APP: variants seen among roughly 807,000 people sequenced by gnomAD.
APP encodes the protein amyloid beta precursor protein.
APP carries 31 observed loss-of-function variants against 101.4 expected under a neutral mutation model. The ratio of observed to expected loss-of-function variants is 0.31; its 90% CI spans 0.23 to 0.41. The LOEUF is 0.41. Ranked by LOEUF, APP falls within the 10% of genes least tolerant of loss-of-function variation. The probability of loss-of-function intolerance (pLI) is 1.00; values close to 1 mark genes in which losing one functional copy is unlikely to be tolerated. For synonymous variants in APP, 366 were observed against 364.4 expected, an observed-to-expected ratio of 1.00 and a Z score of -0.05; for missense variants, 839 against 1,003.7, an observed-to-expected ratio of 0.84 and a Z score of 2.22.
At chr21:25,962,544 T>C (rs2146520592) in intron 11 of APP, among the ~76,000 whole-genome samples, 1 of 152,302 alleles carries the variant, frequency 6.6e-6, no homozygotes, top group African/African-American at 2.4e-5. Flanking sequence ...CTCAGAATAG[T>C]GGCCTTCCCA....
chr21:25,991,603 C>T (rs2042868839), intron 8 of APP, among the ~76,000 whole-genome samples: 1 of 152,212 alleles, frequency 6.6e-6, no homozygotes, highest in Non-Finnish European at 1.5e-5. Context: ...GTCTCGAATT[C>T]CTGACCTCAG....
At chr21:26,130,126 C>T (rs1379264949) in intron 1 of APP, among the ~76,000 whole-genome samples, 1 of 152,132 alleles carries the variant, frequency 6.6e-6, no homozygotes, top group East Asian at 1.9e-4. Context: ...ACAAACTAAC[C>T]TTCCAAAAAG....
At chr21:26,112,209 G>GA in intron 1 of APP, 63 bp from the exon 2 acceptor site, 2 of 1,539,662 alleles carry the variant, frequency 1.3e-6, no homozygotes, top group Non-Finnish European at 1.8e-6. Flanking sequence ...CTTGGAGGAA[G>GA]AACAGGGATA....
chr21:26,086,252 G>T (rs189361248), intron 3 of APP, among the ~76,000 whole-genome samples: 1 of 152,266 alleles, frequency 6.6e-6, no homozygotes, highest in Admixed American at 6.5e-5. Flanking sequence ...GGTTCCAGAG[G>T]TACTACCAAA....
At chr21:26,047,502 T>C (rs1437733283) in intron 5 of APP, among the ~76,000 whole-genome samples, 1 of 152,118 alleles carries the variant, frequency 6.6e-6, no homozygotes, top group African/African-American at 2.4e-5. Context: ...CTTTCTGGTT[T>C]TGTCCACATG....
Position 25,977,416 on chromosome 21 carries a change from T to C in APP, c.1225-1388A>G, listed in dbSNP as rs2042263320. Among the ~76,000 whole-genome samples the C allele has an allele frequency of 2.6e-5, 4 of 152,362 alleles. No individual in the cohort carries two copies. The South Asian group carries it at 8.3e-4, about 32-fold the overall frequency. Reference sequence around the variant, plus strand: ...CCAAAGCATGAGAAAACTTGATTACTGTATTATAAGAGCCTGTTTTTTGTA... The same window carrying C: ...CCAAAGCATGAGAAAACTTGATTACCGTATTATAAGAGCCTGTTTTTTGTA... On this transcript the variant is annotated intron_variant, in intron 9 of 17. Coordinates refer to ENST00000346798, the MANE Select transcript of APP (RefSeq NM_000484.4).
At chr21:26,154,849 A>T (rs1317294156) in intron 1 of APP, among the ~76,000 whole-genome samples, 1 of 152,238 alleles carries the variant, frequency 6.6e-6, no homozygotes, top group Non-Finnish European at 1.5e-5. Flanking sequence ...CTCTTCCTAG[A>T]CAGCTGCAGG....
intron 15 of APP, among the ~76,000 whole-genome samples, chr21:25,899,727 GA>G (rs2038315076): frequency 6.6e-6 from 1 of 152,140 alleles, no homozygotes; most frequent in South Asian, 2.1e-4. Flanking sequence ...CCCAAATCCT[GA>G]CCTATAAAAA....
At chr21:26,064,757 A>C (rs1219729859) in intron 3 of APP, among the ~76,000 whole-genome samples, 1 of 152,192 alleles carries the variant, frequency 6.6e-6, no homozygotes, top group East Asian at 1.9e-4. Context: ...TGTTCCACAG[A>C]AGGAGATGAG....
intron 3 of APP, among the ~76,000 whole-genome samples, chr21:26,054,748 CAAG>C (rs892340559): frequency 9.4e-5 from 14 of 149,188 alleles, no homozygotes; most frequent in Non-Finnish European, 2.1e-4. Flanking sequence ...GCAAAACATG[CAAG>C]AATAGACATA....
At chr21:26,170,774 G>T, upstream of APP, 1 of 802,298 alleles carries the variant, frequency 1.2e-6, no homozygotes, top group Non-Finnish European at 1.8e-6. Context: ...AACTGACGGA[G>T]CCCGAGCGCG....
chr21:25,901,970 T>G (rs1294289284), intron 15 of APP, among the ~76,000 whole-genome samples: 1 of 152,198 alleles, frequency 6.6e-6, no homozygotes, highest in Non-Finnish European at 1.5e-5. Context: ...ACTGTATAAT[T>G]AGTCCTTCAG....
At chr21:26,061,190 A>G (rs926407427) in intron 3 of APP, among the ~76,000 whole-genome samples, 2 of 152,178 alleles carry the variant, frequency 1.3e-5, no homozygotes, top group Non-Finnish European at 2.9e-5. Context: ...GGAGTCAAGA[A>G]TCTAGCTTGT....
intron 6 of APP, among the ~76,000 whole-genome samples, chr21:26,010,117 A>G (rs1167845281): frequency 6.6e-6 from 1 of 151,978 alleles, no homozygotes; most frequent in Non-Finnish European, 1.5e-5. Flanking sequence ...TACAGATTCC[A>G]GCTGGGAACA....
intron 1 of APP, among the ~76,000 whole-genome samples, chr21:26,127,942 A>G (rs1159653303): frequency 6.6e-6 from 1 of 152,240 alleles, no homozygotes; most frequent in Non-Finnish European, 1.5e-5. Flanking sequence ...ATGAATACAC[A>G]GCATTTGAAA....
chr21:26,117,038 C>T (rs2062450986), intron 1 of APP, among the ~76,000 whole-genome samples: 1 of 152,148 alleles, frequency 6.6e-6, no homozygotes, highest in South Asian at 2.1e-4. Context: ...CCTGTGCCAC[C>T]ACGCCCAGAT....
chr21:25,889,402 G>A (rs2037545078), intron 17 of APP, among the ~76,000 whole-genome samples: 1 of 152,138 alleles, frequency 6.6e-6, no homozygotes, highest in Admixed American at 6.6e-5. Flanking sequence ...AATGTGAGAG[G>A]GTAAATTTCT....
chr21:26,168,564 T>C (rs1264981005), intron 1 of APP, among the ~76,000 whole-genome samples: 1 of 151,900 alleles, frequency 6.6e-6, no homozygotes, highest in Admixed American at 6.5e-5. Flanking sequence ...CCTCTTTTTA[T>C]ACAGAAAGAA....
At chr21:26,042,936 T>C (rs993895225) in intron 5 of APP, among the ~76,000 whole-genome samples, 2 of 152,048 alleles carry the variant, frequency 1.3e-5, no homozygotes, top group Non-Finnish European at 2.9e-5. Flanking sequence ...ATCACTTTAA[T>C]ATAGTATCTG....
Sources: gnomAD v4.1 joint callset for allele counts (sites outside exome capture counted in the v4.1 genomes callset) on GRCh38, gnomAD v4.1.1 for gene constraint, MANE v1.5 for transcripts, NCBI Gene and HGNC (gene_info 2026-07-23, HGNC 2026-07-21) for gene names.